GRM7: variants seen among roughly 807,000 people sequenced by gnomAD.
GRM7 encodes glutamate metabotropic receptor 7.
Under a neutral mutation model 84.5 loss-of-function variants are expected in GRM7, and 35 were observed. The observed-to-expected ratio is 0.41, with a 90% CI of 0.32 to 0.55. The LOEUF is 0.55. Ranked by LOEUF, GRM7 falls within the 20% of genes least tolerant of loss-of-function variation. The pLI, the probability that GRM7 is intolerant of heterozygous loss-of-function variation, is 0.19. For synonymous variants in GRM7, 487 were observed against 455.1 expected, an observed-to-expected ratio of 1.07 and a Z score of -0.89; for missense variants, 1,003 against 1,194.6, an observed-to-expected ratio of 0.84 and a Z score of 2.36.
intron 4 of GRM7, among the ~76,000 whole-genome samples, chr3:7,354,044 T>C (rs1408650462): frequency 6.6e-6 from 1 of 152,016 alleles, no homozygotes; most frequent in East Asian, 1.9e-4. Flanking sequence ...GAATTTTTAG[T>C]GTTGAGTCAG....
At chr3:7,175,556 G>T (rs1353547555) in intron 2 of GRM7, among the ~76,000 whole-genome samples, 1 of 152,064 alleles carries the variant, frequency 6.6e-6, no homozygotes, top group African/African-American at 2.4e-5. Flanking sequence ...TGTCTTTTTT[G>T]AGACAAAGTG....
intron 7 of GRM7, among the ~76,000 whole-genome samples, chr3:7,564,241 C>T (rs1412529486): frequency 2.0e-5 from 3 of 152,170 alleles, no homozygotes; most frequent in African/African-American, 7.2e-5. Context: ...CAGAACTCAT[C>T]AAGTTTTACC....
At chr3:7,037,968 A>G (rs1696441696) in intron 1 of GRM7, among the ~76,000 whole-genome samples, 1 of 152,182 alleles carries the variant, frequency 6.6e-6, no homozygotes. Context: ...TAAATAGTCT[A>G]ATTGCTTGCC....
intron 7 of GRM7, among the ~76,000 whole-genome samples, chr3:7,498,211 A>G (rs1699768784): frequency 6.6e-6 from 1 of 152,158 alleles, no homozygotes. Context: ...GTCCCCACAG[A>G]TAATTGTTTG....
At chr3:7,517,468 C>T (rs1013633761) in intron 7 of GRM7, among the ~76,000 whole-genome samples, 1 of 152,178 alleles carries the variant, frequency 6.6e-6, no homozygotes, top group Non-Finnish European at 1.5e-5. Context: ...TCTCGGCTCA[C>T]TGCAACCTCC....
chr3:7,559,005 G>A (rs1143738), intron 7 of GRM7, among the ~76,000 whole-genome samples: 19 of 152,050 alleles, frequency 1.2e-4, no homozygotes, highest in Admixed American at 1.0e-3. Context: ...TTATTTTGGT[G>A]TTGATTTTGT....
At chr3:7,035,110 C>T (rs987121685) in intron 1 of GRM7, among the ~76,000 whole-genome samples, 1 of 152,104 alleles carries the variant, frequency 6.6e-6, no homozygotes, top group Non-Finnish European at 1.5e-5. Flanking sequence ...TAAGCAGCTG[C>T]ACCCCCAAGA....
At chr3:7,456,546 G>A in intron 6 of GRM7, among the ~76,000 whole-genome samples, 1 of 131,562 alleles carries the variant, frequency 7.6e-6, no homozygotes, top group Non-Finnish European at 1.7e-5. Flanking sequence ...TGTTATACTT[G>A]AGACACAGGA....
intron 2 of GRM7, among the ~76,000 whole-genome samples, chr3:7,238,996 C>CTTTTT (rs567509392): frequency 8.4e-6 from 1 of 118,356 alleles, no homozygotes; most frequent in African/African-American, 3.3e-5. Flanking sequence ...TTTCTTTTTT[C>CTTTTT]CTTTTTCTTT....
At chr3:6,997,862 G>C (rs1158865667) in intron 1 of GRM7, among the ~76,000 whole-genome samples, 1 of 152,020 alleles carries the variant, frequency 6.6e-6, no homozygotes, top group African/African-American at 2.4e-5. Context: ...CCAGGTGTCT[G>C]TAATCCCAGC....
At chr3:6,889,282 A>G (rs936831293) in intron 1 of GRM7, among the ~76,000 whole-genome samples, 15 of 152,144 alleles carry the variant, frequency 9.9e-5, no homozygotes, top group Middle Eastern at 3.4e-3. Flanking sequence ...AATAGGAGTG[A>G]TGAGAGAGGG....
At chr3:7,647,777 G>A (rs1192162918) in intron 8 of GRM7, among the ~76,000 whole-genome samples, 1 of 152,096 alleles carries the variant, frequency 6.6e-6, no homozygotes, top group East Asian at 1.9e-4. Context: ...GGTAGGGAGA[G>A]GAATGGAGGA....
chr3:7,656,273 G>A (rs985083446), intron 8 of GRM7, among the ~76,000 whole-genome samples: 2 of 152,056 alleles, frequency 1.3e-5, no homozygotes, highest in Non-Finnish European at 2.9e-5. Context: ...TGGATCACCC[G>A]AGGTCAAAAG....
chr3:7,109,907 T>C (rs890613753), intron 1 of GRM7, among the ~76,000 whole-genome samples: 3 of 152,142 alleles, frequency 2.0e-5, no homozygotes, highest in African/African-American at 7.2e-5. Flanking sequence ...GAGTTGATTT[T>C]TGTTTTTATA....
chr3:6,981,285 T>A (rs141206191), intron 1 of GRM7, among the ~76,000 whole-genome samples: 2 of 152,330 alleles, frequency 1.3e-5, no homozygotes, highest in East Asian at 3.9e-4. Flanking sequence ...TTACACGCAC[T>A]GTCTAAAATT....
At chr3:7,386,334 G>A (rs1002238928) in intron 4 of GRM7, among the ~76,000 whole-genome samples, 2 of 151,986 alleles carry the variant, frequency 1.3e-5, no homozygotes, top group African/African-American at 2.4e-5. Flanking sequence ...GGTATATTAC[G>A]TGATGCTTAG....
rs1553617361 is a variant in GRM7 at position 7,103,760 on chromosome 3, T to TTCTTTC, written c.520-42690_520-42685dup. On this transcript the variant is annotated intron_variant, in intron 1 of 9. Coordinates refer to ENST00000357716, the MANE Select transcript of GRM7 (RefSeq NM_000844.4). ...TCTTTCTCTCTCTCCCTTTCTTTCT[T>TTCTTTC]TCTTTCTTTCTTTCTTTCTTTCTTT... 8.1e-3 allele frequency among the ~76,000 whole-genome samples: 477 copies of TTCTTTC among 58,550 alleles called. 27 individuals are homozygous for TTCTTTC. The highest frequency in any genetic ancestry group is 0.029 in the African/African-American group (227 of 7,914). The allele number at this position is 58,550 out of a possible 152,430, so 38.4% of individuals were successfully genotyped here.
Position 7,517,623 on chromosome 3 carries a change from A to G in GRM7, c.1515+55901A>G, listed in dbSNP as rs1450270647. ...TGGCCAGGTTGGTCTTGAACTCCTG[A>G]CCTCAAGCAATCACCTGTCTTGGCC... On this transcript the variant is annotated intron_variant, in intron 7 of 9. Transcript: ENST00000357716. Among the ~76,000 whole-genome samples the G allele has an allele frequency of 2.6e-5, 4 of 152,216 alleles. No individual in the cohort carries two copies. In the East Asian group the frequency reaches 7.7e-4, roughly 29 times the overall value.
At chr3:7,306,106 A>G (rs1575146184) in intron 3 of GRM7, among the ~76,000 whole-genome samples, 1 of 152,174 alleles carries the variant, frequency 6.6e-6, no homozygotes, top group East Asian at 1.9e-4. Context: ...GCAGTAAATG[A>G]GAGTGCTCAT....
Sources: allele counts gnomAD v4.1 joint callset (sites outside exome capture counted in the v4.1 genomes callset), GRCh38; gene constraint gnomAD v4.1.1; transcripts MANE v1.5; gene names NCBI Gene and HGNC (gene_info 2026-07-23, HGNC 2026-07-21).